PCNX2: variants seen among roughly 807,000 people sequenced by gnomAD.
PCNX2 encodes pecanex-like protein 2.
PCNX2 carries 168 observed loss-of-function variants against 223.8 expected under a neutral mutation model. The ratio of observed to expected loss-of-function variants is 0.75; its 90% confidence interval spans 0.66 to 0.85. The LOEUF is 0.85. PCNX2 is among the 40% of genes least tolerant of loss of function. The probability of loss-of-function intolerance (pLI) is 0.00; values close to 1 mark genes in which losing one functional copy is unlikely to be tolerated. For missense variants in PCNX2, 2,507 were observed against 2,675.5 expected (o/e 0.94, Z 1.39); for synonymous variants, 1,006 against 1,052.6 (o/e 0.96, Z 0.86).
chr1:233,028,069 C>T (rs1165282256), intron 25 of PCNX2, among the ~76,000 whole-genome samples: 8 of 152,192 alleles, frequency 5.3e-5, no homozygotes, highest in South Asian at 2.1e-4. Flanking sequence ...TTGTAAGTTT[C>T]GAGTTTAATT....
chr1:233,100,399 C>G (rs1038188551), intron 21 of PCNX2, among the ~76,000 whole-genome samples: 1 of 115,626 alleles, frequency 8.6e-6, no homozygotes. Flanking sequence ...GCCTGGGTGA[C>G]AGAGAGAGAT....
rs374111803 is a variant in PCNX2, at chr1:233,258,312, G to A, written c.1550C>T (p.Ser517Leu). The A allele has an allele frequency of 6.2e-5, 100 of 1,613,986 alleles. No individual in the cohort carries two copies. The highest frequency in any genetic ancestry group is 3.2e-4 in the Admixed American group (19 of 60,022). ...GKEGQTNLDP[S>L]SCKSSHEKRH... ...CTTTTCATGGCTGGACTTACAAGAC[G>A]ATGGGTCAAGGTTAGTCTGGCCTTC... Residue 517 changes from serine (S) to leucine (L), a missense_variant, in exon 5 of 34, where the codon TCG becomes TTG. This residue lies in a region of PCNX2 where 1,031 missense variants were observed against 1,021.7 expected (regional missense o/e 1.01). Coordinates refer to ENST00000258229, the MANE Select transcript of PCNX2 (RefSeq NM_014801.4).
chr1:233,174,040 A>G (rs1462990542), intron 17 of PCNX2, among the ~76,000 whole-genome samples: 1 of 141,226 alleles, frequency 7.1e-6, no homozygotes, highest in Non-Finnish European at 1.6e-5. Context: ...TTATATATAC[A>G]TAAAACAAAT....
chr1:233,144,369 C>A (rs1677304929), intron 19 of PCNX2, among the ~76,000 whole-genome samples: 2 of 152,076 alleles, frequency 1.3e-5, no homozygotes, highest in Middle Eastern at 3.2e-3. Flanking sequence ...TTACTCCAGT[C>A]ATCAAAACCT....
At chr1:233,161,642 G>GT (rs918931620) in intron 17 of PCNX2, among the ~76,000 whole-genome samples, 1 of 152,004 alleles carries the variant, frequency 6.6e-6, no homozygotes, top group African/African-American at 2.4e-5. Flanking sequence ...AAGAAGAAAG[G>GT]TTTTCTACAC....
intron 21 of PCNX2, among the ~76,000 whole-genome samples, chr1:233,119,340 A>G (rs1304581646): frequency 3.5e-5 from 5 of 141,628 alleles, no homozygotes; most frequent in Admixed American, 7.3e-5. Flanking sequence ...TGGGCGGATC[A>G]TGAGGTCAGG....
chr1:233,043,415 T>G (rs1296725527), intron 25 of PCNX2, among the ~76,000 whole-genome samples: 1 of 152,098 alleles, frequency 6.6e-6, no homozygotes, highest in Non-Finnish European at 1.5e-5. Context: ...TTTAAAAAAT[T>G]ATTATTATAC....
intron 1 of PCNX2, among the ~76,000 whole-genome samples, chr1:233,284,084 A>G (rs534903273): frequency 6.6e-6 from 1 of 152,172 alleles, no homozygotes; most frequent in Non-Finnish European, 1.5e-5. Flanking sequence ...TGGCAACTAA[A>G]AGCCATGTTT....
chr1:233,121,782 T>A (rs1362143451), intron 21 of PCNX2, among the ~76,000 whole-genome samples: 2 of 152,192 alleles, frequency 1.3e-5, no homozygotes, highest in Admixed American at 1.3e-4. Context: ...AACATTAATT[T>A]GAACTCAAGT....
intron 32 of PCNX2, among the ~76,000 whole-genome samples, chr1:232,988,260 T>C (rs935823062): frequency 1.4e-4 from 21 of 152,098 alleles, no homozygotes; most frequent in African/African-American, 4.8e-4. Context: ...TGATGCTCAA[T>C]AGAAGACCAC....
intron 1 of PCNX2, among the ~76,000 whole-genome samples, chr1:233,294,746 G>T (rs1215953226): frequency 2.0e-5 from 3 of 152,112 alleles, no homozygotes; most frequent in African/African-American, 7.2e-5. Context: ...TCTAAATGTT[G>T]TAATACTTTG....
intron 1 of PCNX2, among the ~76,000 whole-genome samples, chr1:233,264,940 T>A (rs150929985): frequency 6.6e-6 from 1 of 152,276 alleles, no homozygotes; most frequent in East Asian, 1.9e-4. Context: ...ATTATTGTTA[T>A]ATAAAAATGA....
In PCNX2 at chr1:233,262,163, T is replaced by C. The variant is rs78404265; in HGVS notation, c.362A>G (p.Asn121Ser). 20,438 of 1,613,644 alleles carry C rather than the reference T, an allele frequency of 0.013. 180 individuals carry two copies. The highest frequency in any genetic ancestry group is 0.024 in the South Asian group (2,188 of 91,056). ...TTTGCCATTGTGAATCTGCCTATTA[T>C]TGCTAACCCAACATGAGAAACACAA... is the stretch of plus-strand genomic sequence containing the variant. ...EHITNHRNPS[N>S]NRQIHNGKKE... Residue 121 changes from asparagine (N) to serine (S), a missense_variant and splice_region_variant, in exon 3 of 34, where the codon AAT (asparagine) becomes AGT (serine). By Grantham distance (46) the Asn-to-Ser change is conservative (BLOSUM62 1). This residue lies in a region of PCNX2 where 1,031 missense variants were observed against 1,021.7 expected (regional missense o/e 1.01). Transcript: ENST00000258229.
chr1:233,031,726 T>C, intron 25 of PCNX2: 1 of 983,534 alleles, frequency 1.0e-6, no homozygotes. Flanking sequence ...TCCCAAATCT[T>C]CGGATTCCAT....
intron 1 of PCNX2, among the ~76,000 whole-genome samples, chr1:233,268,796 AC>A (rs1660480971): frequency 6.6e-6 from 1 of 151,978 alleles, no homozygotes; most frequent in South Asian, 2.1e-4. Flanking sequence ...CAGCCTCTCC[AC>A]CCCCATGACT....
intron 22 of PCNX2, among the ~76,000 whole-genome samples, chr1:233,093,613 AAATATCT>A (rs1480520204): frequency 7.4e-4 from 113 of 152,312 alleles, no homozygotes; most frequent in African/African-American, 2.4e-3. Flanking sequence ...TCCAAGGAAC[AAATATCT>A]ACCTTTACAA....
intron 1 of PCNX2, among the ~76,000 whole-genome samples, chr1:233,277,349 T>C (rs1233212316): frequency 6.6e-6 from 1 of 152,154 alleles, no homozygotes; most frequent in Non-Finnish European, 1.5e-5. Flanking sequence ...CACTGCCCTA[T>C]CAAAATACCT....
At chr1:233,052,196 A>T (rs903859535) in intron 25 of PCNX2, among the ~76,000 whole-genome samples, 1 of 152,208 alleles carries the variant, frequency 6.6e-6, no homozygotes, top group African/African-American at 2.4e-5. Context: ...TTTCGTAAAC[A>T]TTTATTTAGG....
At position 233,230,919 on chromosome 1, in the gene PCNX2, C is replaced by A. The variant is rs141279362; in HGVS notation, c.2359-3548G>T. 2.8e-4 allele frequency among the ~76,000 whole-genome samples: 42 copies of A among 152,166 alleles called. No homozygotes were observed. In the East Asian group the frequency reaches 7.3e-3, roughly 27 times the overall value. ...ATAAAAGACTATGTCTTCTGAGATA[C>A]CTGAGAAATTCTACTGTTCAAATAA... On this transcript the variant is annotated intron_variant, in intron 9 of 33. Transcript: ENST00000258229.
Sources: gnomAD v4.1 joint callset for allele counts (sites outside exome capture counted in the v4.1 genomes callset) on GRCh38, gnomAD v4.1.1 for gene constraint, gnomAD v4.1.1 regional missense constraint, MANE v1.5 for transcripts, NCBI Gene and HGNC (gene_info 2026-07-23, HGNC 2026-07-21) for gene names.